Variants in SPA17 observed in about 807,000 individuals in gnomAD.
The protein encoded by SPA17 is sperm surface protein Sp17.
Under a neutral mutation model 13.8 loss-of-function variants are expected in SPA17, and 7 were observed. The observed-to-expected ratio is 0.51, with a 90% CI of 0.29 to 0.95. The LOEUF (loss-of-function observed/expected upper bound fraction) is 0.95. Among genes scored for constraint, SPA17 ranks in the 40% least tolerant of loss-of-function variants. The pLI is 0.08. For synonymous variants in SPA17, 61 were observed against 59.0 expected, an observed-to-expected ratio of 1.03 and a Z score of -0.16; for missense variants, 170 against 179.3, an observed-to-expected ratio of 0.95 and a Z score of 0.30.
chr11:124,681,192 A>G (rs887826750), intron 2 of SPA17, among the ~76,000 whole-genome samples, 197 bp from the exon 3 acceptor site: 8 of 152,136 alleles, frequency 5.3e-5, no homozygotes, highest in Non-Finnish European at 1.2e-4. Context: ...GGCTCATCCA[A>G]TGTTCAGTTG....
intron 3 of SPA17, 55 bp downstream of exon 3, chr11:124,681,514 A>G (rs1410181395): frequency 7.4e-7 from 1 of 1,344,438 alleles, no homozygotes. Context: ...GTCTACAGCT[A>G]GCAATTATTA....
At position 124,675,352 on chromosome 11, in the gene SPA17, G is replaced by A. The variant is rs773093716; in HGVS notation, c.88G>A (p.Glu30Lys). 32 of 1,614,206 alleles carry A rather than the reference G, an allele frequency of 2.0e-5. No homozygotes were observed. The highest frequency in any genetic ancestry group is 2.6e-5 in the Non-Finnish European group (31 of 1,180,040). The change falls in exon 2 of 5, where the codon GAG becomes AAG. Residue 30 changes from glutamate (E) to lysine (K), a missense_variant. Physicochemically the swap from Glu to Lys is moderately conservative, Grantham distance 56. Transcript: ENST00000227135. ...AGGGCTGACACGCGAGATTCTGAGA[G>A]AGCAACCGGACAATATACCAGCTTT... Reference protein sequence around the residue: ...LEGLTREILREQPDNIPAFAA... With the variant: ...LEGLTREILRKQPDNIPAFAA...
intron 1 of SPA17, 193 bp downstream of exon 1, chr11:124,674,145 C>CGCCCGCCCTCCTCT: frequency 1.0e-5 from 2 of 200,618 alleles, no homozygotes; most frequent in East Asian, 2.6e-4. Flanking sequence ...CTGCCCCCTC[C>CGCCCGCCCTCCTCT]GCCCGCCCTC....
At chr11:124,683,197 G>A (rs1424950356) in intron 3 of SPA17, among the ~76,000 whole-genome samples, 4 of 152,168 alleles carry the variant, frequency 2.6e-5, no homozygotes, top group East Asian at 1.9e-4. Flanking sequence ...AAGGGCATTC[G>A]TCTGTACTAG....
intron 4 of SPA17, among the ~76,000 whole-genome samples, chr11:124,693,626 T>C (rs1432402812): frequency 1.3e-5 from 2 of 152,064 alleles, no homozygotes; most frequent in African/African-American, 2.4e-5. Context: ...GCCAGTGACA[T>C]TTGAGTTTTT....
rs1258948786 is a variant in SPA17 at position 124,695,248 on chromosome 11, G to A, written c.*802G>A. 1 of 152,172 alleles carries A rather than the reference G, an allele frequency of 6.6e-6. No homozygotes were observed. The highest frequency in any genetic ancestry group is 1.5e-5 in the Non-Finnish European group (1 of 68,030). 9.4% of individuals were successfully genotyped at this position (152,172 alleles called of 1,614,324 possible). On this transcript the variant is annotated 3_prime_UTR_variant, in exon 5 of 5. Coordinates refer to ENST00000227135, the MANE Select transcript of SPA17 (RefSeq NM_017425.4). ...TGCTGGGAATTAGTAGTGAATACTT[G>A]TTCTTACACTCATACAACTTACAAT...
At chr11:124,675,846 A>T (rs1417514369) in intron 2 of SPA17, 1 of 157,134 alleles carries the variant, frequency 6.4e-6, no homozygotes, top group South Asian at 1.9e-4. Context: ...CTTCCATTTG[A>T]AAGTATTTTA....
At chr11:124,681,509 C>G in intron 3 of SPA17, 50 bp downstream of exon 3, 3 of 1,403,952 alleles carry the variant, frequency 2.1e-6, no homozygotes, top group Non-Finnish European at 2.9e-6. Context: ...TCTCTGTCTA[C>G]AGCTAGCAAT....
At chr11:124,681,041 A>G (rs1446372993) in intron 2 of SPA17, among the ~76,000 whole-genome samples, 1 of 152,148 alleles carries the variant, frequency 6.6e-6, no homozygotes, top group Non-Finnish European at 1.5e-5. Flanking sequence ...TTAGGTTTAT[A>G]CATTTTTCTG....
intron 4 of SPA17, among the ~76,000 whole-genome samples, chr11:124,694,101 G>A (rs1943650268): frequency 6.6e-6 from 1 of 152,150 alleles, no homozygotes; most frequent in South Asian, 2.1e-4. Context: ...CATATTAAAA[G>A]AGTGACAAAA....
intron 3 of SPA17, among the ~76,000 whole-genome samples, chr11:124,689,284 A>G (rs1229136153): frequency 6.6e-6 from 1 of 152,248 alleles, no homozygotes; most frequent in Non-Finnish European, 1.5e-5. Context: ...TCACAAAAGC[A>G]CAGGCAACAA....
At chr11:124,686,192 G>GC (rs1410905015) in intron 3 of SPA17, among the ~76,000 whole-genome samples, 1 of 110,802 alleles carries the variant, frequency 9.0e-6, no homozygotes. Context: ...ATCATGGGTG[G>GC]GGGGGGGGTG....
In SPA17 at chr11:124,683,547, A is replaced by C. The variant is rs562193339; in HGVS notation, c.225+2088A>C. ...TGAATGGATTTCTTTAAAAAAAAAA[A>C]AAAAACATGATTCAACTATATGCTG... On this transcript the variant is annotated intron_variant, in intron 3 of 4. Transcript: ENST00000227135. Among the ~76,000 whole-genome samples the C allele has an allele frequency of 2.3e-3, 346 of 152,100 alleles. 1 individual carries two copies. Among genetic ancestry groups the C allele is most frequent in the Non-Finnish European group, 3.6e-3 (243 of 67,992 alleles).
chr11:124,679,928 T>G (rs560773917), intron 2 of SPA17, among the ~76,000 whole-genome samples: 6 of 152,258 alleles, frequency 3.9e-5, no homozygotes, highest in Admixed American at 3.3e-4. Context: ...CATTCGTGAA[T>G]TTGTGATGGT....
At chr11:124,686,572 A>C (rs1367051492) in intron 3 of SPA17, among the ~76,000 whole-genome samples, 1 of 152,250 alleles carries the variant, frequency 6.6e-6, no homozygotes, top group Non-Finnish European at 1.5e-5. Context: ...AAATTTTAAA[A>C]AGTCAAAATA....
rs577626903 is a variant in SPA17, at chr11:124,696,098, C to T, written c.*1652C>T. 6.6e-6 allele frequency: 1 copy of T among 152,252 alleles called. No individual in the cohort carries two copies. Among genetic ancestry groups the T allele is most frequent in the South Asian group, 2.1e-4 (1 of 4,834 alleles). The allele number at this position is 152,252 out of a possible 1,614,324, so 9.4% of individuals were successfully genotyped here. A position where few individuals can be genotyped will look rare whatever the true frequency, so the allele number is the denominator to read the frequency against. On this transcript the variant is annotated 3_prime_UTR_variant, in exon 5 of 5. Transcript: ENST00000227135. ...CTTTCTCCTTCCAAAATCTTGCTGCCACTGTAGAGAGTTTCATGCTAGCTA... is the reference window on the plus strand; with the variant it reads ...CTTTCTCCTTCCAAAATCTTGCTGCTACTGTAGAGAGTTTCATGCTAGCTA...
At chr11:124,677,299 G>A (rs1239156247) in intron 2 of SPA17, among the ~76,000 whole-genome samples, 3 of 152,230 alleles carry the variant, frequency 2.0e-5, no homozygotes, top group Admixed American at 2.0e-4. Context: ...CACAATGCAA[G>A]AATTCCCTTG....
chr11:124,694,067 G>A (rs1009624400), intron 4 of SPA17, among the ~76,000 whole-genome samples: 7 of 152,104 alleles, frequency 4.6e-5, no homozygotes, highest in Non-Finnish European at 1.0e-4. Context: ...AAAGAAAGTT[G>A]GCAATGATCT....
rs1943655316 is a variant in SPA17, at chr11:124,694,545, G to A, written c.*99G>A. ...TCCTGAGGAAGGAAGATTTGATGTTGTGAAATAACATTCGTTACTGTTGTG... is the reference window on the plus strand; with the variant it reads ...TCCTGAGGAAGGAAGATTTGATGTTATGAAATAACATTCGTTACTGTTGTG... On this transcript the variant is annotated 3_prime_UTR_variant, in exon 5 of 5. Transcript: ENST00000227135. 3.5e-6 allele frequency: 5 copies of A among 1,436,710 alleles called. No individual in the cohort carries two copies. The highest frequency in any genetic ancestry group is 2.8e-5 in the South Asian group (2 of 72,130). 89.0% of individuals were successfully genotyped at this position (1,436,710 alleles called of 1,614,324 possible).
Sources: allele counts gnomAD v4.1 joint callset (sites outside exome capture counted in the v4.1 genomes callset), GRCh38; gene constraint gnomAD v4.1.1; transcripts MANE v1.5; gene names NCBI Gene and HGNC (gene_info 2026-07-23, HGNC 2026-07-21).